The following MLLT3 variants were observed in gnomAD, a reference collection of about 807,000 sequenced individuals.
MLLT3 encodes the protein protein AF-9.
Under a neutral mutation model 53.2 loss-of-function variants are expected in MLLT3, and 4 were observed. The observed-to-expected ratio is 0.08, with a 90% CI of 0.04 to 0.17. The LOEUF (loss-of-function observed/expected upper bound fraction) is 0.17, where lower values mean the gene tolerates loss of function less well. Among genes scored for constraint, MLLT3 ranks in the 10% least tolerant of loss-of-function variants. The pLI is 1.00. For synonymous variants in MLLT3, 283 were observed against 230.6 expected (o/e 1.23, Z -2.06); for missense variants, 569 against 684.0 (o/e 0.83, Z 1.87).
At chr9:20,525,154 G>A (rs1200215196) in intron 2 of MLLT3, among the ~76,000 whole-genome samples, 1 of 149,298 alleles carries the variant, frequency 6.7e-6, no homozygotes, top group South Asian at 2.1e-4. Flanking sequence ...AAACAGAGGC[G>A]TGAAAAAAGT....
In MLLT3 at chr9:20,414,071, T is replaced by C; in HGVS notation, c.775A>G (p.Met259Val). 1 of 1,613,862 alleles carries C rather than the reference T, an allele frequency of 6.2e-7. No homozygotes were observed. The highest frequency in any genetic ancestry group is 8.5e-7 in the Non-Finnish European group (1 of 1,179,946). The change falls in exon 5 of 11, where the codon ATG becomes GTG. Residue 259 changes from methionine to valine, a missense_variant. Physicochemically the swap from Met to Val is conservative, Grantham distance 21. Around this residue, in one of 5 missense-constraint regions of MLLT3, gnomAD observed 437 missense variants for 376.5 expected, o/e 1.16. Coordinates refer to ENST00000380338, the MANE Select transcript of MLLT3 (RefSeq NM_004529.4). Reference sequence around the variant, plus strand: ...CTATCTGGTTTTGGCTCTTTTGACATGGGTTTAGGTTCCTTGAAGGCCATC... The same window carrying C: ...CTATCTGGTTTTGGCTCTTTTGACACGGGTTTAGGTTCCTTGAAGGCCATC... ...PKMAFKEPKP[M>V]SKEPKPDSNL...
At chr9:20,359,139 C>G (rs1480544866) in intron 8 of MLLT3, among the ~76,000 whole-genome samples, 1 of 114,136 alleles carries the variant, frequency 8.8e-6, no homozygotes, top group Non-Finnish European at 1.7e-5. Flanking sequence ...GAGCAAAACT[C>G]CATCTCAAAA....
At chr9:20,461,777 T>C (rs13299141) in intron 2 of MLLT3, among the ~76,000 whole-genome samples, 8,830 of 152,238 alleles carry the variant, frequency 0.058, 382 homozygotes, top group Non-Finnish European at 0.088. Flanking sequence ...GTTTTGATGC[T>C]ATGATTTATG....
At chr9:20,462,096 C>A (rs567336007) in intron 2 of MLLT3, among the ~76,000 whole-genome samples, 1 of 152,302 alleles carries the variant, frequency 6.6e-6, no homozygotes, top group South Asian at 2.1e-4. Flanking sequence ...GAGCCAGCGT[C>A]TGAAAGTCTG....
chr9:20,583,399 G>A (rs1364019285), intron 2 of MLLT3, among the ~76,000 whole-genome samples: 2 of 152,094 alleles, frequency 1.3e-5, no homozygotes, highest in Non-Finnish European at 2.9e-5. Flanking sequence ...GGGGTCTGGA[G>A]GACAGTAGCC....
Position 20,345,644 on chromosome 9 carries a change from A to T in MLLT3, c.*799T>A, listed in dbSNP as rs1284863416. The T allele has an allele frequency of 9.4e-6, 2 of 212,340 alleles. No individual in the cohort carries two copies. The highest frequency in any genetic ancestry group is 2.3e-5 in the African/African-American group (1 of 44,188). The allele number at this position is 212,340 out of a possible 1,614,324, so 13.2% of individuals were successfully genotyped here. ...AGGTACACTTTTGTTTAAAAGTCCT[A>T]CAAGTTTATTGACTAAGGCTAGACA... On this transcript the variant is annotated 3_prime_UTR_variant, in exon 11 of 11. Transcript: ENST00000380338.
intron 2 of MLLT3, among the ~76,000 whole-genome samples, chr9:20,568,792 A>C (rs1368951608): frequency 1.3e-5 from 2 of 152,170 alleles, no homozygotes; most frequent in African/African-American, 4.8e-5. Flanking sequence ...ATGTACAAAA[A>C]ACTTGTCTGT....
At chr9:20,573,675 T>C (rs1316309113) in intron 2 of MLLT3, among the ~76,000 whole-genome samples, 4 of 152,146 alleles carry the variant, frequency 2.6e-5, no homozygotes, top group Non-Finnish European at 5.9e-5. Flanking sequence ...CCAAACCAGG[T>C]TGGGTATACG....
rs201978462 is a variant in MLLT3, at chr9:20,414,108, T to G, written c.738A>C (p.Lys246Asn). ...CCTTGAAGGCCATCTTAGGAACTAT[T>G]TTCTCTTCTTTCAGTGGTTTATTTT... Reference protein sequence around the residue: ...PKENKPLKEEKIVPKMAFKEP... With the variant: ...PKENKPLKEENIVPKMAFKEP... The change falls in exon 5 of 11, where the codon AAA (lysine) becomes AAC (asparagine). Residue 246 changes from lysine to asparagine, a missense_variant. Physicochemically the swap from Lys to Asn is moderately conservative, Grantham distance 94. Coordinates refer to ENST00000380338, the MANE Select transcript of MLLT3 (RefSeq NM_004529.4). The G allele has an allele frequency of 1.5e-4, 249 of 1,613,570 alleles. No homozygotes were observed. The highest frequency in any genetic ancestry group is 2.0e-4 in the Non-Finnish European group (241 of 1,179,934).
chr9:20,496,545 AAC>A lies in MLLT3; in HGVS notation c.194-39761_194-39760del, dbSNP rs1311060581. Among the ~76,000 whole-genome samples the A allele has an allele frequency of 5.9e-5, 9 of 152,248 alleles. No homozygotes were observed. The South Asian group carries it at 1.7e-3, about 28-fold the overall frequency. On this transcript the variant is annotated intron_variant, in intron 2 of 10. Transcript: ENST00000380338. Reference sequence around the variant, plus strand: ...TTAGGTTCATAACACGCACTGTAAAAACACACACACACATTAAAAAAAATAAG... The same window carrying A: ...TTAGGTTCATAACACGCACTGTAAAAACACACACACATTAAAAAAAATAAG...
At chr9:20,528,620 G>GC (rs1379786426) in intron 2 of MLLT3, among the ~76,000 whole-genome samples, 2 of 152,134 alleles carry the variant, frequency 1.3e-5, no homozygotes, top group Admixed American at 6.5e-5. Context: ...TTGACTTGTG[G>GC]CCCCATCACT....
chr9:20,374,397 TA>T (rs778315170), intron 5 of MLLT3, among the ~76,000 whole-genome samples: 4 of 152,086 alleles, frequency 2.6e-5, no homozygotes, highest in Non-Finnish European at 4.4e-5. Context: ...ATAAAATACA[TA>T]ACATCCATGC....
At chr9:20,589,389 T>A (rs36148995) in intron 2 of MLLT3, among the ~76,000 whole-genome samples, 4 of 132,438 alleles carry the variant, frequency 3.0e-5, no homozygotes, top group Non-Finnish European at 4.6e-5. Flanking sequence ...AACAATGAGA[T>A]CACATGGACA....
intron 2 of MLLT3, among the ~76,000 whole-genome samples, chr9:20,500,305 C>A (rs545849171): frequency 2.6e-5 from 4 of 152,306 alleles, no homozygotes; most frequent in African/African-American, 9.6e-5. Context: ...AGCAGCTGGA[C>A]TGCTTACATG....
intron 2 of MLLT3, among the ~76,000 whole-genome samples, chr9:20,618,241 T>C (rs1820887393): frequency 1.3e-5 from 2 of 152,352 alleles, no homozygotes; most frequent in East Asian, 1.9e-4. Context: ...AGATCTACAA[T>C]ATAGCTAACA....
At chr9:20,484,981 TA>T (rs1320268283) in intron 2 of MLLT3, among the ~76,000 whole-genome samples, 5 of 152,148 alleles carry the variant, frequency 3.3e-5, no homozygotes, top group South Asian at 2.1e-4. Context: ...ATTTTATTTT[TA>T]TTTTTTTTAT....
intron 4 of MLLT3, among the ~76,000 whole-genome samples, chr9:20,424,467 T>C (rs1384781092): frequency 6.6e-6 from 1 of 152,186 alleles, no homozygotes; most frequent in East Asian, 1.9e-4. Context: ...TAAAAATTTA[T>C]AGTGCTCAAA....
intron 5 of MLLT3, among the ~76,000 whole-genome samples, chr9:20,385,359 CT>C (rs1274049851): frequency 2.0e-5 from 3 of 152,184 alleles, no homozygotes; most frequent in Non-Finnish European, 2.9e-5. Context: ...AGTTGATTTA[CT>C]TAAGGAGACT....
At position 20,621,879 on chromosome 9, in the gene MLLT3, A is replaced by C; in HGVS notation, c.12+366T>G. 1 of 1,366,234 alleles carries C rather than the reference A, an allele frequency of 7.3e-7. No individual in the cohort carries two copies. Among genetic ancestry groups the C allele is most frequent in the South Asian group, 1.7e-5 (1 of 57,168 alleles). The allele number at this position is 1,366,234 out of a possible 1,614,324, so 84.6% of individuals were successfully genotyped here. A position where few individuals can be genotyped will look rare whatever the true frequency, so the allele number is the denominator to read the frequency against. Reference sequence around the variant, plus strand: ...GGCGGCGGCGGCTGAAATATGGCTGAGTTATTATTCGCCTCCTTCCACCGT... The same window carrying C: ...GGCGGCGGCGGCTGAAATATGGCTGCGTTATTATTCGCCTCCTTCCACCGT... On this transcript the variant is annotated intron_variant, in intron 1 of 10. Coordinates refer to ENST00000380338, the MANE Select transcript of MLLT3 (RefSeq NM_004529.4). The surrounding 1 kb of genome is among the most constrained non-coding windows in gnomAD (Gnocchi z 7.0).
Sources: gnomAD v4.1 joint callset for allele counts (sites outside exome capture counted in the v4.1 genomes callset) on GRCh38, gnomAD v4.1.1 for gene constraint, gnomAD v4.1.1 regional missense constraint, Gnocchi (gnomAD v3.1) non-coding constraint, MANE v1.5 for transcripts, NCBI Gene and HGNC (gene_info 2026-07-23, HGNC 2026-07-21) for gene names.